JAKMIP2: variants seen among roughly 807,000 people sequenced by gnomAD.
The protein encoded by JAKMIP2 is janus kinase and microtubule interacting protein 2, also known as janus kinase and microtubule-interacting protein 2.
Under a neutral mutation model 115.0 loss-of-function variants are expected in JAKMIP2, and 25 were observed. That is an observed-to-expected ratio of 0.22 (90% CI 0.16 to 0.30). The LOEUF (loss-of-function observed/expected upper bound fraction) is 0.30, where lower values mean the gene tolerates loss of function less well. Among genes scored for constraint, JAKMIP2 ranks in the 10% least tolerant of loss-of-function variants. The pLI is 1.00. For missense variants in JAKMIP2, 642 were observed against 957.6 expected (o/e 0.67, Z 4.35); for synonymous variants, 334 against 343.6 (o/e 0.97, Z 0.31).
chr5:147,726,307 G>A (rs545868548), intron 1 of JAKMIP2, among the ~76,000 whole-genome samples: 1 of 152,304 alleles, frequency 6.6e-6, no homozygotes, highest in South Asian at 2.1e-4. Context: ...GCTCTGCTCA[G>A]AATGGAAGAA....
intron 20 of JAKMIP2, among the ~76,000 whole-genome samples, chr5:147,603,430 C>T (rs914725313): frequency 1.3e-5 from 2 of 152,004 alleles, no homozygotes; most frequent in Non-Finnish European, 2.9e-5. Context: ...TTGTTGTTAC[C>T]AACTGATTCA....
At chr5:147,777,393 T>C (rs1758110249) in intron 1 of JAKMIP2, among the ~76,000 whole-genome samples, 1 of 152,158 alleles carries the variant, frequency 6.6e-6, no homozygotes, top group Admixed American at 6.5e-5. Flanking sequence ...CACGGATAGA[T>C]GGCCACTATA....
intron 7 of JAKMIP2, 88 bp downstream of exon 7, chr5:147,643,969 TA>T: frequency 8.8e-7 from 1 of 1,141,474 alleles, no homozygotes; most frequent in Non-Finnish European, 1.2e-6. Flanking sequence ...CCTCTGGGGT[TA>T]AACTAAAATT....
At chr5:147,688,295 G>A (rs974320926) in intron 1 of JAKMIP2, among the ~76,000 whole-genome samples, 2 of 152,126 alleles carry the variant, frequency 1.3e-5, no homozygotes, top group East Asian at 3.8e-4. Context: ...CCATTTTTTA[G>A]GGTGGTTATA....
At chr5:147,629,630 T>G (rs897643266) in intron 15 of JAKMIP2, 63 bp downstream of exon 15, 40 of 1,161,686 alleles carry the variant, frequency 3.4e-5, no homozygotes, top group Non-Finnish European at 4.6e-5. Flanking sequence ...TGATGCATTG[T>G]TAAGTATCTC....
chr5:147,782,662 G>T lies in JAKMIP2; in HGVS notation c.-355C>A, dbSNP rs1755806584. 2 of 668,986 alleles carry T rather than the reference G, an allele frequency of 3.0e-6. No individual in the cohort carries two copies. The highest frequency in any genetic ancestry group is 5.4e-6 in the Non-Finnish European group (2 of 368,852). The allele number at this position is 668,986 out of a possible 1,614,324, so 41.4% of individuals were successfully genotyped here. A position where few individuals can be genotyped will look rare whatever the true frequency, so the allele number is the denominator to read the frequency against. On this transcript the variant is annotated 5_prime_UTR_variant, in exon 1 of 22. Transcript: ENST00000616793. ...AGTATCAGCAATAGAGGCGGCGGCGGCGGCAGCAGCAGCAGCAGCAGCATC... is the reference window on the plus strand; with the variant it reads ...AGTATCAGCAATAGAGGCGGCGGCGTCGGCAGCAGCAGCAGCAGCAGCATC...
chr5:147,687,139 C>G (rs1244239745), intron 1 of JAKMIP2, among the ~76,000 whole-genome samples: 2 of 152,172 alleles, frequency 1.3e-5, no homozygotes, highest in African/African-American at 2.4e-5. Context: ...CCTACTGTGA[C>G]AGATGAATAC....
At chr5:147,665,556 CT>C (rs1759254046) in intron 2 of JAKMIP2, among the ~76,000 whole-genome samples, 1 of 152,138 alleles carries the variant, frequency 6.6e-6, no homozygotes, top group Non-Finnish European at 1.5e-5. Flanking sequence ...AGCCATTCTT[CT>C]GAGAACAGTG....
chr5:147,704,058 A>C (rs968401527), intron 1 of JAKMIP2, among the ~76,000 whole-genome samples: 2 of 152,150 alleles, frequency 1.3e-5, no homozygotes, highest in Non-Finnish European at 2.9e-5. Context: ...TTCAGGGGCA[A>C]TAACATGCAT....
intron 1 of JAKMIP2, among the ~76,000 whole-genome samples, chr5:147,678,711 G>A (rs1760102288): frequency 2.0e-5 from 3 of 152,094 alleles, no homozygotes; most frequent in Admixed American, 6.5e-5. Context: ...AATGCTTGAG[G>A]GGATAGATAT....
intron 1 of JAKMIP2, among the ~76,000 whole-genome samples, chr5:147,692,729 G>T (rs1419797990): frequency 6.6e-6 from 1 of 152,144 alleles, no homozygotes; most frequent in Non-Finnish European, 1.5e-5. Flanking sequence ...TTGTAATTTT[G>T]ACCTGGGGAC....
chr5:147,689,576 G>A (rs1260243068), intron 1 of JAKMIP2, among the ~76,000 whole-genome samples: 2 of 152,164 alleles, frequency 1.3e-5, no homozygotes, highest in Admixed American at 6.5e-5. Flanking sequence ...CATGGGATCA[G>A]TAAGTTGAGC....
chr5:147,748,658 A>G (rs1754441735), intron 1 of JAKMIP2, among the ~76,000 whole-genome samples: 1 of 152,216 alleles, frequency 6.6e-6, no homozygotes, highest in South Asian at 2.1e-4. Context: ...CCACATGTAC[A>G]ATAAAGAAAC....
intron 20 of JAKMIP2, among the ~76,000 whole-genome samples, chr5:147,608,249 CTTTTCATTGTGA>C (rs1756132690): frequency 1.3e-5 from 2 of 152,104 alleles, no homozygotes; most frequent in South Asian, 4.2e-4. Flanking sequence ...TTCTCTAGTT[CTTTTCATTGTGA>C]TGTTAGGGTG....
At chr5:147,722,562 G>C (rs193117999) in intron 1 of JAKMIP2, among the ~76,000 whole-genome samples, 1 of 152,282 alleles carries the variant, frequency 6.6e-6, no homozygotes, top group East Asian at 1.9e-4. Flanking sequence ...TGAGTGAAGA[G>C]TATTTGACCT....
intron 1 of JAKMIP2, among the ~76,000 whole-genome samples, chr5:147,773,061 G>A (rs1755424624): frequency 6.6e-6 from 1 of 152,106 alleles, no homozygotes; most frequent in Non-Finnish European, 1.5e-5. Flanking sequence ...TTATTAGGAA[G>A]GTCAGCGCTA....
chr5:147,631,113 A>T (rs1757329608), intron 14 of JAKMIP2, among the ~76,000 whole-genome samples: 1 of 152,198 alleles, frequency 6.6e-6, no homozygotes, highest in Non-Finnish European at 1.5e-5. Context: ...ATTAAATCGA[A>T]TTCACATTTC....
At chr5:147,739,760 A>T (rs1754070994) in intron 1 of JAKMIP2, among the ~76,000 whole-genome samples, 1 of 152,100 alleles carries the variant, frequency 6.6e-6, no homozygotes, top group Non-Finnish European at 1.5e-5. Flanking sequence ...AGACAAGAAG[A>T]CATCCTTTCC....
intron 1 of JAKMIP2, among the ~76,000 whole-genome samples, chr5:147,712,417 A>G (rs1258582895): frequency 3.4e-4 from 52 of 152,208 alleles, no homozygotes; most frequent in Admixed American, 3.3e-3. Context: ...ATTGTTTTAT[A>G]AATTCTTGTT....
Sources: gnomAD v4.1 joint callset for allele counts (sites outside exome capture counted in the v4.1 genomes callset) on GRCh38, gnomAD v4.1.1 for gene constraint, MANE v1.5 for transcripts, NCBI Gene and HGNC (gene_info 2026-07-23, HGNC 2026-07-21) for gene names.